LMO7: variants seen among roughly 807,000 people sequenced by gnomAD.
LMO7 encodes the protein LIM domain 7.
A neutral mutation model predicts 206.5 loss-of-function variants in LMO7; 120 were observed. That is an observed-to-expected ratio of 0.58 (90% CI 0.50 to 0.68). The LOEUF (loss-of-function observed/expected upper bound fraction) is 0.68, where lower values mean the gene tolerates loss of function less well. Among genes scored for constraint, LMO7 ranks in the 30% least tolerant of loss-of-function variants. The probability of loss-of-function intolerance (pLI) is 0.00; values close to 1 mark genes in which losing one functional copy is unlikely to be tolerated. For synonymous variants in LMO7, 706 were observed against 681.5 expected (o/e 1.04, Z -0.56); for missense variants, 1,959 against 1,957.9 (o/e 1.00, Z -0.01).
At chr13:75,801,356 TGAGAA>T (rs1387068244) in intron 7 of LMO7, among the ~76,000 whole-genome samples, 2 of 152,132 alleles carry the variant, frequency 1.3e-5, no homozygotes, top group Non-Finnish European at 2.9e-5. Flanking sequence ...TTTCTATAGA[TGAGAA>T]GAAATGATTG....
chr13:75,716,222 T>C (rs1303217387), intron 2 of LMO7, among the ~76,000 whole-genome samples: 1 of 152,204 alleles, frequency 6.6e-6, no homozygotes, highest in Non-Finnish European at 1.5e-5. Flanking sequence ...TTCTGAAATA[T>C]CAAAGTCAAA....
intron 1 of LMO7, among the ~76,000 whole-genome samples, chr13:75,653,214 A>G (rs2037748227): frequency 6.6e-6 from 1 of 152,240 alleles, no homozygotes; most frequent in Admixed American, 6.5e-5. Context: ...TACATTGAAT[A>G]TCTAAGTTCC....
intron 4 of LMO7, among the ~76,000 whole-genome samples, chr13:75,764,770 A>C (rs1039417368): frequency 6.6e-6 from 1 of 152,166 alleles, no homozygotes; most frequent in East Asian, 1.9e-4. Flanking sequence ...GCAAGTCTTC[A>C]GATACATTCT....
intron 1 of LMO7, among the ~76,000 whole-genome samples, chr13:75,698,475 A>G (rs2042047522): frequency 6.6e-6 from 1 of 151,994 alleles, no homozygotes; most frequent in African/African-American, 2.4e-5. Context: ...TTTTTTGTAG[A>G]GATGGCTTCT....
chr13:75,695,948 A>G (rs1435262477), intron 1 of LMO7, among the ~76,000 whole-genome samples: 1 of 152,226 alleles, frequency 6.6e-6, no homozygotes, highest in Non-Finnish European at 1.5e-5. Context: ...CATTAAAAAT[A>G]GGGGAAAACT....
chr13:75,732,241 C>A (rs994414873), intron 3 of LMO7, among the ~76,000 whole-genome samples: 1 of 152,156 alleles, frequency 6.6e-6, no homozygotes, highest in Non-Finnish European at 1.5e-5. Flanking sequence ...GTTCCATTCT[C>A]CCCGTCACTT....
chr13:75,777,934 C>T (rs948377938), intron 4 of LMO7, among the ~76,000 whole-genome samples: 16 of 152,106 alleles, frequency 1.1e-4, no homozygotes, highest in Middle Eastern at 3.4e-3. Flanking sequence ...CGTAAGCCAC[C>T]GTGCCTGGCC....
intron 1 of LMO7, among the ~76,000 whole-genome samples, chr13:75,662,421 C>T (rs995654506): frequency 5.3e-5 from 8 of 152,174 alleles, no homozygotes; most frequent in African/African-American, 1.9e-4. Context: ...CAGAGTCAAG[C>T]GATCCTCCCA....
chr13:75,636,792 G>A, intron 1 of LMO7, 66 bp downstream of exon 1: 1 of 1,456,462 alleles, frequency 6.9e-7, no homozygotes, highest in Non-Finnish European at 9.4e-7. Flanking sequence ...GTCGCGAGGT[G>A]ACTGCAGCCC....
intron 24 of LMO7, 43 bp from the exon 25 acceptor site, chr13:75,842,808 A>G (rs895956990): frequency 8.9e-6 from 11 of 1,241,192 alleles, no homozygotes; most frequent in Non-Finnish European, 2.4e-6. Context: ...GGAAGGGCTT[A>G]AAGTCTAATA....
chr13:75,755,067 A>G (rs1391132477), intron 3 of LMO7, among the ~76,000 whole-genome samples: 3 of 152,156 alleles, frequency 2.0e-5, no homozygotes, highest in African/African-American at 7.2e-5. Flanking sequence ...GAGGCATTCC[A>G]ACACTGAAGG....
intron 3 of LMO7, among the ~76,000 whole-genome samples, chr13:75,728,185 T>C (rs1189845895): frequency 6.6e-6 from 1 of 152,228 alleles, no homozygotes; most frequent in African/African-American, 2.4e-5. Context: ...TCTAGATCCC[T>C]GAGGAATCGC....
chr13:75,838,241 C>A (rs757703495), intron 20 of LMO7, 45 bp downstream of exon 20: 50 of 1,539,816 alleles, frequency 3.2e-5, no homozygotes, highest in Non-Finnish European at 4.1e-5. Flanking sequence ...TGGAATTGTT[C>A]TCCCTCTCCA....
intron 4 of LMO7, among the ~76,000 whole-genome samples, chr13:75,777,386 T>A (rs2050654680): frequency 6.6e-6 from 1 of 152,224 alleles, no homozygotes; most frequent in Non-Finnish European, 1.5e-5. Context: ...AGTTTACCAA[T>A]GGCAATTAAA....
At chr13:75,735,993 C>T in intron 3 of LMO7, among the ~76,000 whole-genome samples, 1 of 152,096 alleles carries the variant, frequency 6.6e-6, no homozygotes. Flanking sequence ...TGATCTCAAA[C>T]ACCCTGCATA....
At chr13:75,644,397 G>A (rs2036832232) in intron 1 of LMO7, among the ~76,000 whole-genome samples, 1 of 152,148 alleles carries the variant, frequency 6.6e-6, no homozygotes, top group Non-Finnish European at 1.5e-5. Context: ...ATTATACTCT[G>A]CTGCCTGGGA....
intron 1 of LMO7, among the ~76,000 whole-genome samples, chr13:75,677,906 C>G (rs1390407498): frequency 6.7e-6 from 1 of 148,622 alleles, no homozygotes; most frequent in South Asian, 2.1e-4. Flanking sequence ...GGTTTTTTGT[C>G]CTTGCGATAG....
upstream of LMO7, among the ~76,000 whole-genome samples, chr13:75,635,524 A>C (rs2138906205): frequency 6.6e-6 from 1 of 152,302 alleles, no homozygotes; most frequent in South Asian, 2.1e-4. Context: ...AGTGTCCTCA[A>C]ACCACGAAGG....
At chr13:75,803,684 CTG>C (rs1471077910) in intron 7 of LMO7, among the ~76,000 whole-genome samples, 4 of 152,186 alleles carry the variant, frequency 2.6e-5, no homozygotes, top group African/African-American at 7.2e-5. Flanking sequence ...TCTGAAGAAA[CTG>C]TGAGTTCTGT....
Sources: allele counts gnomAD v4.1 joint callset (sites outside exome capture counted in the v4.1 genomes callset), GRCh38; gene constraint gnomAD v4.1.1; transcripts MANE v1.5; gene names NCBI Gene and HGNC (gene_info 2026-07-23, HGNC 2026-07-21).